The following DOCK10 variants were observed in gnomAD, a reference collection of about 807,000 sequenced individuals.
DOCK10 encodes dedicator of cytokinesis 10.
In DOCK10, 145 loss-of-function variants were observed where a neutral mutation model predicts 280.1. That is an observed-to-expected ratio of 0.52 (90% CI 0.45 to 0.59). The LOEUF (loss-of-function observed/expected upper bound fraction) is 0.59. Ranked by LOEUF, DOCK10 falls within the 20% of genes least tolerant of loss-of-function variation. The pLI is 0.00. For missense variants in DOCK10, 2,368 were observed against 2,651.7 expected, an observed-to-expected ratio of 0.89 and a Z score of 2.35; for synonymous variants, 915 against 942.2, an observed-to-expected ratio of 0.97 and a Z score of 0.53.
intron 1 of DOCK10, among the ~76,000 whole-genome samples, chr2:224,934,338 T>G (rs1004392925): frequency 6.6e-6 from 1 of 152,208 alleles, no homozygotes; most frequent in Non-Finnish European, 1.5e-5. Context: ...CTTCATGTAA[T>G]TTACTAAGTT....
intron 3 of DOCK10, among the ~76,000 whole-genome samples, chr2:224,915,487 G>A (rs966826540): frequency 6.6e-6 from 1 of 152,108 alleles, no homozygotes; most frequent in Admixed American, 6.5e-5. Context: ...GGAAAAAAAA[G>A]ACCGATAAAA....
chr2:224,904,743 G>T lies in DOCK10; in HGVS notation c.334-8366C>A, dbSNP rs186320140. ...TTCTACACATGAGATTCAAAAATTA[G>T]TATGAAGCATACTAAACAAAGGCAT... On this transcript the variant is annotated intron_variant, in intron 3 of 55. Transcript: ENST00000258390. 4.4e-3 allele frequency among the ~76,000 whole-genome samples: 670 copies of T among 152,260 alleles called. 3 individuals carry two copies. The highest frequency in any genetic ancestry group is 6.8e-3 in the Middle Eastern group (2 of 294).
chr2:224,917,570 A>T (rs1018392939), intron 2 of DOCK10, among the ~76,000 whole-genome samples: 11 of 152,114 alleles, frequency 7.2e-5, no homozygotes, highest in African/African-American at 2.7e-4. Context: ...GGTGGGAAGG[A>T]AGAAGGAGTG....
chr2:224,853,254 C>T (rs1055577383), intron 16 of DOCK10, 132 bp from the exon 17 acceptor site: 9 of 653,574 alleles, frequency 1.4e-5, no homozygotes, highest in East Asian at 1.2e-4. Context: ...TATTAGCTTA[C>T]GCTAGCATGA....
chr2:224,775,841 AT>A (rs1387982552), intron 51 of DOCK10, among the ~76,000 whole-genome samples: 23 of 152,308 alleles, frequency 1.5e-4, no homozygotes, highest in African/African-American at 5.5e-4. Context: ...TGGTCCCTCT[AT>A]GATTTTACCC....
intron 2 of DOCK10, among the ~76,000 whole-genome samples, chr2:224,921,655 A>G (rs1013335287): frequency 6.6e-6 from 1 of 152,222 alleles, no homozygotes; most frequent in Non-Finnish European, 1.5e-5. Context: ...AATCTAAAAC[A>G]TTATTTTACA....
At chr2:224,957,292 C>T (rs922491764) in intron 1 of DOCK10, among the ~76,000 whole-genome samples, 4 of 148,468 alleles carry the variant, frequency 2.7e-5, no homozygotes, top group Admixed American at 6.7e-5. Context: ...TCCGCCCCCC[C>T]CCGGCTTTGT....
intron 3 of DOCK10, among the ~76,000 whole-genome samples, chr2:224,908,073 T>A (rs1326286716): frequency 1.3e-5 from 2 of 151,722 alleles, no homozygotes; most frequent in East Asian, 3.9e-4. Flanking sequence ...TGTTTCTATG[T>A]GTGTGAGACA....
intron 14 of DOCK10, among the ~76,000 whole-genome samples, chr2:224,859,519 C>T (rs1019481207): frequency 1.3e-5 from 2 of 152,218 alleles, no homozygotes; most frequent in African/African-American, 2.4e-5. Context: ...TAAAATGGTA[C>T]TGCAGCTGGT....
intron 41 of DOCK10, among the ~76,000 whole-genome samples, chr2:224,798,556 T>G (rs1692748727): frequency 6.6e-6 from 1 of 152,136 alleles, no homozygotes; most frequent in South Asian, 2.1e-4. Flanking sequence ...ACATTTCATC[T>G]GAAATAGGGC....
At chr2:224,992,338 G>C (rs1402093499) in intron 1 of DOCK10, among the ~76,000 whole-genome samples, 1 of 152,136 alleles carries the variant, frequency 6.6e-6, no homozygotes, top group East Asian at 1.9e-4. Flanking sequence ...ACATGAAAAT[G>C]GCAGTCTTTA....
chr2:224,919,261 G>A (rs1701546362), intron 2 of DOCK10, among the ~76,000 whole-genome samples: 1 of 150,696 alleles, frequency 6.6e-6, no homozygotes, highest in South Asian at 2.1e-4. Flanking sequence ...GTGAATGTGT[G>A]TAGGTTTGTC....
intron 3 of DOCK10, among the ~76,000 whole-genome samples, chr2:224,902,145 G>A (rs1489006535): frequency 6.6e-6 from 1 of 152,120 alleles, no homozygotes; most frequent in Non-Finnish European, 1.5e-5. Flanking sequence ...ATAATCATTA[G>A]AATCAATTCA....
chr2:224,918,462 G>C (rs12995498), intron 2 of DOCK10, among the ~76,000 whole-genome samples: 44,702 of 150,984 alleles, frequency 0.3, 7,160 homozygotes, highest in Middle Eastern at 0.36. Flanking sequence ...TGTTATGTGA[G>C]CATGTGTGGT....
In DOCK10 at chr2:224,851,643, T is replaced by C. The variant is rs551894934; in HGVS notation, c.2142+734A>G. 3.4e-4 allele frequency among the ~76,000 whole-genome samples: 52 copies of C among 152,176 alleles called. 2 individuals carry two copies. The highest frequency in any genetic ancestry group is 2.2e-3 in the Admixed American group (34 of 15,286). On this transcript the variant is annotated intron_variant, in intron 18 of 55. Coordinates refer to ENST00000258390, the MANE Select transcript of DOCK10 (RefSeq NM_014689.3). ...GGGGGTTAGTTAGAAATTAGTTTTG[T>C]CCTCTACTACCTCATTCCTTTGATT...
chr2:224,779,634 A>T (rs1691156642), intron 50 of DOCK10, among the ~76,000 whole-genome samples: 1 of 152,234 alleles, frequency 6.6e-6, no homozygotes. Flanking sequence ...TTAATTGTTA[A>T]AAAAAGCATA....
chr2:224,787,797 G>A (rs558251410), intron 48 of DOCK10, among the ~76,000 whole-genome samples: 66 of 152,226 alleles, frequency 4.3e-4, no homozygotes, highest in African/African-American at 1.3e-3. Context: ...GGGAACTCCA[G>A]TATGTAAACT....
At position 224,874,015 on chromosome 2, in the gene DOCK10, TCATTCTCCGTAACA is replaced by T. The variant is rs1296361575; in HGVS notation, c.1224_1237del (p.Cys408Ter). 1 of 1,611,324 alleles carries T rather than the reference TCATTCTCCGTAACA, an allele frequency of 6.2e-7. No individual in the cohort carries two copies. The highest frequency in any genetic ancestry group is 1.1e-5 in the South Asian group (1 of 89,960). Reference sequence around the variant, plus strand: ...ACTTACATTCGTTATCGGATCATTTTCATTCTCCGTAACACATCCCTGAAGATTTGAGTTGAGGG... The same window carrying T: ...ACTTACATTCGTTATCGGATCATTTTCATCCCTGAAGATTTGAGTTGAGGG... On this transcript the variant is annotated stop_gained and frameshift_variant, in exon 11 of 56. Coordinates refer to ENST00000258390, the MANE Select transcript of DOCK10 (RefSeq NM_014689.3). LOFTEE classifies it high-confidence loss of function.
At chr2:224,882,205 T>C (rs1699018010) in intron 7 of DOCK10, among the ~76,000 whole-genome samples, 1 of 152,172 alleles carries the variant, frequency 6.6e-6, no homozygotes, top group Admixed American at 6.6e-5. Flanking sequence ...GATAGATGAA[T>C]GAATGTGAGA....
Sources: allele counts gnomAD v4.1 joint callset (sites outside exome capture counted in the v4.1 genomes callset), GRCh38; gene constraint gnomAD v4.1.1; transcripts MANE v1.5; gene names NCBI Gene and HGNC (gene_info 2026-07-23, HGNC 2026-07-21).